NALCN: variants seen among roughly 807,000 people sequenced by gnomAD.
The protein encoded by NALCN is sodium leak channel, non-selective.
A neutral mutation model predicts 225.3 loss-of-function variants in NALCN; 111 were observed. That is an observed-to-expected ratio of 0.49 (90% CI 0.42 to 0.58). The LOEUF (loss-of-function observed/expected upper bound fraction) is 0.58, where lower values mean the gene tolerates loss of function less well. Ranked by LOEUF, NALCN falls within the 20% of genes least tolerant of loss-of-function variation. The pLI, the probability that NALCN is intolerant of heterozygous loss-of-function variation, is 0.00. For missense variants in NALCN, 1,378 were observed against 2,202.4 expected (o/e 0.63, Z 7.49); for synonymous variants, 764 against 769.0 (o/e 0.99, Z 0.11).
At chr13:101,115,876 T>G (rs1038799374) in intron 18 of NALCN, among the ~76,000 whole-genome samples, 2 of 152,146 alleles carry the variant, frequency 1.3e-5, no homozygotes, top group African/African-American at 4.8e-5. Flanking sequence ...TCTTAGGAAC[T>G]CCATCTAGTG....
intron 13 of NALCN, among the ~76,000 whole-genome samples, chr13:101,193,404 T>C (rs1264629812): frequency 6.6e-6 from 1 of 152,158 alleles, no homozygotes; most frequent in African/African-American, 2.4e-5. Flanking sequence ...GGTACACTGT[T>C]CAAGGCCCAG....
In NALCN at chr13:101,103,341, T is replaced by C; in HGVS notation, c.2890-2A>G. On this transcript the variant is annotated splice_acceptor_variant, in intron 25 of 43. Transcript: ENST00000251127. LOFTEE classifies it high-confidence loss of function. The stretch of plus-strand genomic sequence containing the variant: ...CCAACAAAGAAATATCAAGCTCACC[T>C]AAAGGGGAACAAATGATCTCTGGAA... 6.2e-7 allele frequency: 1 copy of C among 1,603,636 alleles called. No individual in the cohort carries two copies. The highest frequency in any genetic ancestry group is 8.5e-7 in the Non-Finnish European group (1 of 1,176,776).
chr13:101,380,738 C>T (rs1011680586), intron 3 of NALCN, among the ~76,000 whole-genome samples: 3 of 151,984 alleles, frequency 2.0e-5, no homozygotes, highest in Non-Finnish European at 4.4e-5. Flanking sequence ...GTATGCAAAA[C>T]TAACACTATG....
At chr13:101,319,441 C>T (rs1041454977) in intron 7 of NALCN, among the ~76,000 whole-genome samples, 1 of 152,178 alleles carries the variant, frequency 6.6e-6, no homozygotes, top group African/African-American at 2.4e-5. Context: ...AAACCTTCTG[C>T]TTTAAATAAT....
At chr13:101,110,568 T>C in intron 20 of NALCN, 51 bp downstream of exon 20, 2 of 1,587,568 alleles carry the variant, frequency 1.3e-6, no homozygotes, top group Non-Finnish European at 1.7e-6. Flanking sequence ...GTCATTTAAA[T>C]ACATTTTCAT....
intron 10 of NALCN, among the ~76,000 whole-genome samples, chr13:101,274,598 T>C (rs925397160): frequency 1.3e-5 from 2 of 152,252 alleles, no homozygotes; most frequent in Non-Finnish European, 2.9e-5. Context: ...TTTTTATCTG[T>C]GTTTCTAAAT....
intron 2 of NALCN, 21 bp downstream of exon 2, chr13:101,398,998 A>C (rs2047391652): frequency 7.1e-7 from 1 of 1,417,744 alleles, no homozygotes; most frequent in South Asian, 1.1e-5. Context: ...ATGCTTCTCC[A>C]TACTCAAAGA....
chr13:101,349,335 G>C (rs981932307), intron 6 of NALCN, among the ~76,000 whole-genome samples: 1 of 151,982 alleles, frequency 6.6e-6, no homozygotes, highest in Non-Finnish European at 1.5e-5. Context: ...GCTCTGAATT[G>C]TTGTTTTTGT....
chr13:101,084,591 C>G (rs1304070179), intron 30 of NALCN, among the ~76,000 whole-genome samples: 2 of 80,096 alleles, frequency 2.5e-5, no homozygotes, highest in Non-Finnish European at 5.2e-5. Flanking sequence ...GAAATGGACT[C>G]CAACATGTGA....
chr13:101,196,309 A>T (rs2140020924), intron 13 of NALCN, among the ~76,000 whole-genome samples: 1 of 152,288 alleles, frequency 6.6e-6, no homozygotes, highest in Admixed American at 6.5e-5. Context: ...CTTATCATTT[A>T]GAATAAACCC....
At chr13:101,312,183 A>G (rs2044371540) in intron 7 of NALCN, among the ~76,000 whole-genome samples, 1 of 152,052 alleles carries the variant, frequency 6.6e-6, no homozygotes, top group Admixed American at 6.5e-5. Flanking sequence ...GGTAGTTTGC[A>G]TTTCTGTGGG....
At position 101,124,628 on chromosome 13, in the gene NALCN, G is replaced by T; in HGVS notation, c.2172C>A (p.Thr724=). Residue 724 remains threonine (T), a synonymous_variant, in exon 18 of 44, where the codon ACC becomes ACA. Coordinates refer to ENST00000251127, the MANE Select transcript of NALCN (RefSeq NM_052867.4). ...IRARNLLEKE[T]AVTKILRACT... ...GTTACCTTAAGATTTTAGTGACTGC[G>T]GTCTCCTTTTCCAGAAGGTTCCTTG... 1 of 1,613,850 alleles carries T rather than the reference G, an allele frequency of 6.2e-7. No homozygotes were observed. The highest frequency in any genetic ancestry group is 8.5e-7 in the Non-Finnish European group (1 of 1,179,896).
intron 13 of NALCN, among the ~76,000 whole-genome samples, chr13:101,214,286 G>T (rs1414793455): frequency 6.7e-6 from 1 of 150,292 alleles, no homozygotes; most frequent in East Asian, 2.0e-4. Context: ...CACACTCCAG[G>T]GCCTGTCATG....
intron 13 of NALCN, among the ~76,000 whole-genome samples, chr13:101,197,682 C>A (rs1218170555): frequency 1.3e-5 from 2 of 152,096 alleles, no homozygotes; most frequent in Non-Finnish European, 2.9e-5. Flanking sequence ...GTCCAGTTTG[C>A]TATGAGGTGA....
intron 26 of NALCN, among the ~76,000 whole-genome samples, chr13:101,101,915 C>T (rs2034842860): frequency 6.6e-6 from 1 of 152,160 alleles, no homozygotes; most frequent in Non-Finnish European, 1.5e-5. Flanking sequence ...TCAAAAGATT[C>T]ATATACATTA....
At chr13:101,302,930 G>T (rs1207354988) in intron 7 of NALCN, among the ~76,000 whole-genome samples, 1 of 151,878 alleles carries the variant, frequency 6.6e-6, no homozygotes, top group Non-Finnish European at 1.5e-5. Flanking sequence ...CAGTTTAAAG[G>T]TTAAACTAAA....
At chr13:101,072,391 T>A (rs899786688) in intron 37 of NALCN, among the ~76,000 whole-genome samples, 1 of 152,190 alleles carries the variant, frequency 6.6e-6, no homozygotes, top group Non-Finnish European at 1.5e-5. Flanking sequence ...AACACTGTTA[T>A]GGGATGCTAT....
At chr13:101,147,316 T>C (rs1313667124) in intron 15 of NALCN, among the ~76,000 whole-genome samples, 3 of 152,024 alleles carry the variant, frequency 2.0e-5, no homozygotes, top group Non-Finnish European at 2.9e-5. Flanking sequence ...TTAAAACTTT[T>C]CAATGGCATT....
chr13:101,278,896 A>G (rs2043053679), intron 10 of NALCN, among the ~76,000 whole-genome samples: 1 of 152,212 alleles, frequency 6.6e-6, no homozygotes, highest in South Asian at 2.1e-4. Flanking sequence ...GTTCTTACAG[A>G]CAAGACCAGG....
Sources: allele counts gnomAD v4.1 joint callset (sites outside exome capture counted in the v4.1 genomes callset), GRCh38; gene constraint gnomAD v4.1.1; transcripts MANE v1.5; gene names NCBI Gene and HGNC (gene_info 2026-07-23, HGNC 2026-07-21).